PCDHGB2: variants seen among roughly 807,000 people sequenced by gnomAD.
The protein encoded by PCDHGB2 is protocadherin gamma subfamily B, 2.
In PCDHGB2, 55 loss-of-function variants were observed where a neutral mutation model predicts 59.3. The ratio of observed to expected loss-of-function variants is 0.93; its 90% CI spans 0.75 to 1.16. PCDHGB2 has a LOEUF of 1.16. PCDHGB2 is among the 50% of genes most tolerant of loss of function. The pLI is 0.00. For missense variants in PCDHGB2, 1,228 were observed against 1,198.5 expected (o/e 1.02, Z -0.36); for synonymous variants, 516 against 512.0 (o/e 1.01, Z -0.11).
At position 141,487,152 on chromosome 5, in the gene PCDHGB2, C is replaced by T. The variant is rs772254681; in HGVS notation, c.2422-7655C>T. On this transcript the variant is annotated intron_variant, in intron 1 of 3. Coordinates refer to ENST00000522605, the MANE Select transcript of PCDHGB2 (RefSeq NM_018923.3). The surrounding 1 kb of genome is among the most constrained non-coding windows in gnomAD (Gnocchi z 5.0). ...AGTCCACCACTCTCTACCTCTGTTA[C>T]TCTCTTAGTGTCCTTAGAGGAAGAC... 3.7e-6 allele frequency: 6 copies of T among 1,613,860 alleles called. No homozygotes were observed. Among genetic ancestry groups the T allele is most frequent in the Non-Finnish European group, 5.1e-6 (6 of 1,179,828 alleles).
chr5:141,419,209 G>A (rs541061354), intron 1 of PCDHGB2: 11 of 1,613,900 alleles, frequency 6.8e-6, no homozygotes, highest in South Asian at 5.5e-5. Context: ...ACAACGCGCC[G>A]GTTTTCGGAC....
Position 141,485,859 on chromosome 5 carries a change from G to A in PCDHGB2, c.2422-8948G>A, listed in dbSNP as rs1272239385. ...CCGAGATCTGGCACCGCAGAGCTCC[G>A]GGTATCCGTGCTGGACGTAAACGAC... On this transcript the variant is annotated intron_variant, in intron 1 of 3. Transcript: ENST00000522605. This position sits in a 1 kb window ranked among gnomAD's most constrained non-coding sequence, Gnocchi z 5.7. 3.7e-6 allele frequency: 6 copies of A among 1,614,046 alleles called. No homozygotes were observed. Among genetic ancestry groups the A allele is most frequent in the Admixed American group, 3.3e-5 (2 of 60,000 alleles).
At chr5:141,461,354 C>T (rs1189322704) in intron 1 of PCDHGB2, among the ~76,000 whole-genome samples, 2 of 152,054 alleles carry the variant, frequency 1.3e-5, no homozygotes, top group Non-Finnish European at 2.9e-5. Context: ...GGTGGTAGCT[C>T]GTTGTGGTTT....
intron 1 of PCDHGB2, among the ~76,000 whole-genome samples, chr5:141,465,091 G>A (rs1689517062): frequency 6.7e-6 from 1 of 149,016 alleles, no homozygotes; most frequent in Non-Finnish European, 1.5e-5. Context: ...CATTTTTCTA[G>A]TAGTTTTTTT....
At chr5:141,399,854 G>A (rs747617678) in intron 1 of PCDHGB2, 6 of 1,612,786 alleles carry the variant, frequency 3.7e-6, no homozygotes, top group Non-Finnish European at 5.1e-6. Context: ...ATGGTGCCGC[G>A]CGCTGCAGAG....
At chr5:141,398,437 C>G (rs2093656645) in intron 1 of PCDHGB2, 20 of 1,556,582 alleles carry the variant, frequency 1.3e-5, no homozygotes, top group Non-Finnish European at 1.8e-5. Flanking sequence ...AGCTTGTGCT[C>G]TGGAATTTGA....
chr5:141,373,423 T>G (rs992122154), intron 1 of PCDHGB2, among the ~76,000 whole-genome samples: 1 of 152,214 alleles, frequency 6.6e-6, no homozygotes, highest in Non-Finnish European at 1.5e-5. Flanking sequence ...CTCGGGAGGC[T>G]GAGGTGGGAG....
chr5:141,398,914 C>G, intron 1 of PCDHGB2: 1 of 1,613,964 alleles, frequency 6.2e-7, no homozygotes, highest in Non-Finnish European at 8.5e-7. Flanking sequence ...CACTGTGTTG[C>G]AAGTGTCAGC....
In PCDHGB2 at chr5:141,489,198, C is replaced by G; in HGVS notation, c.2422-5609C>G. 1 of 1,392,402 alleles carries G rather than the reference C, an allele frequency of 7.2e-7. No individual in the cohort carries two copies. Among genetic ancestry groups the G allele is most frequent in the South Asian group, 1.4e-5 (1 of 71,348 alleles). The allele number at this position is 1,392,402 out of a possible 1,614,324, so 86.3% of individuals were successfully genotyped here. A position where few individuals can be genotyped will look rare whatever the true frequency, so the allele number is the denominator to read the frequency against. On this transcript the variant is annotated intron_variant, in intron 1 of 3. Coordinates refer to ENST00000522605, the MANE Select transcript of PCDHGB2 (RefSeq NM_018923.3). This position sits in a 1 kb window ranked among gnomAD's most constrained non-coding sequence, Gnocchi z 4.5. ...CCAAGCCCTGGGTCTACCTTGGAGA[C>G]AGGACAGCACAGACTTACTCTCCAC...
In PCDHGB2 at chr5:141,486,421, G is replaced by C; in HGVS notation, c.2422-8386G>C. 1 of 1,614,152 alleles carries C rather than the reference G, an allele frequency of 6.2e-7. No individual in the cohort carries two copies. Among genetic ancestry groups the C allele is most frequent in the African/African-American group, 1.3e-5 (1 of 75,028 alleles). On this transcript the variant is annotated intron_variant, in intron 1 of 3. Coordinates refer to ENST00000522605, the MANE Select transcript of PCDHGB2 (RefSeq NM_018923.3). This position sits in a 1 kb window ranked among gnomAD's most constrained non-coding sequence, Gnocchi z 5.0. Reference sequence around the variant, plus strand: ...TGACTGCTGGACCCTTGGATCGAGAGGCCAAATCTAGCTATGACATCATGG... The same window carrying C: ...TGACTGCTGGACCCTTGGATCGAGACGCCAAATCTAGCTATGACATCATGG...
rs1488042504 is a variant in PCDHGB2, at chr5:141,511,552, T to C, written c.*379T>C. ...CCTCCTCCCCACCCCACTCCAACAG[T>C]TCCTCTTTCCCGAGTAAGGTGGTTG... On this transcript the variant is annotated 3_prime_UTR_variant, in exon 4 of 4. Coordinates refer to ENST00000522605, the MANE Select transcript of PCDHGB2 (RefSeq NM_018923.3). 1.3e-5 allele frequency: 4 copies of C among 304,316 alleles called. No individual in the cohort carries two copies. The highest frequency in any genetic ancestry group is 2.6e-5 in the Non-Finnish European group (4 of 156,548). The allele number at this position is 304,316 out of a possible 1,614,324, so 18.9% of individuals were successfully genotyped here.
chr5:141,491,414 G>C lies in PCDHGB2; in HGVS notation c.2422-3393G>C, dbSNP rs137987971. 35 of 1,614,008 alleles carry C rather than the reference G, an allele frequency of 2.2e-5. No homozygotes were observed. Among genetic ancestry groups the C allele is most frequent in the African/African-American group, 1.3e-4 (10 of 74,910 alleles). On this transcript the variant is annotated intron_variant, in intron 1 of 3. Coordinates refer to ENST00000522605, the MANE Select transcript of PCDHGB2 (RefSeq NM_018923.3). The surrounding 1 kb of genome is among the most constrained non-coding windows in gnomAD (Gnocchi z 6.9). ...CTTCAGGGAAACGCAGACGGGGACG[G>C]GGGTGGAGGGCAGTGCTGCAGGCGC...
chr5:141,385,481 G>A, intron 1 of PCDHGB2: 8 of 1,422,472 alleles, frequency 5.6e-6, no homozygotes, highest in Non-Finnish European at 6.4e-6. Context: ...CTTTAATATA[G>A]AACACATAGG....
Position 141,414,697 on chromosome 5 carries a change from T to A in PCDHGB2, c.2421+52141T>A, listed in dbSNP as rs748722995. The A allele has an allele frequency of 9.3e-6, 15 of 1,614,036 alleles. No homozygotes were observed. Among genetic ancestry groups the A allele is most frequent in the Non-Finnish European group, 1.3e-5 (15 of 1,179,930 alleles). ...CATCCAGGGGGTACCTCTGTCCTCA[T>A]ACATATCCATCAACTCAGACACTGG... is the stretch of plus-strand genomic sequence containing the variant. On this transcript the variant is annotated intron_variant, in intron 1 of 3. Transcript: ENST00000522605.
In PCDHGB2 at chr5:141,491,424, G is replaced by A. The variant is rs745755214; in HGVS notation, c.2422-3383G>A. The A allele has an allele frequency of 6.2e-7, 1 of 1,614,092 alleles. No individual in the cohort carries two copies. Among genetic ancestry groups the A allele is most frequent in the Non-Finnish European group, 8.5e-7 (1 of 1,180,028 alleles). ...ACGCAGACGGGGACGGGGGTGGAGG[G>A]CAGTGCTGCAGGCGCCAGGACTCAC... On this transcript the variant is annotated intron_variant, in intron 1 of 3. Coordinates refer to ENST00000522605, the MANE Select transcript of PCDHGB2 (RefSeq NM_018923.3). The surrounding 1 kb of genome is among the most constrained non-coding windows in gnomAD (Gnocchi z 6.9).
At chr5:141,412,509 A>G (rs1452202369) in intron 1 of PCDHGB2, 2 of 152,208 alleles carry the variant, frequency 1.3e-5, no homozygotes, top group Admixed American at 1.3e-4. Flanking sequence ...AATAAGTTTA[A>G]TGAATTAAGT....
chr5:141,383,832 A>G, intron 1 of PCDHGB2: 1 of 1,613,926 alleles, frequency 6.2e-7, no homozygotes, highest in Non-Finnish European at 8.5e-7. Flanking sequence ...ATTATGAAGA[A>G]ACTGCCTTCT....
intron 1 of PCDHGB2, chr5:141,400,189 CT>C (rs770137840): frequency 5.6e-6 from 9 of 1,614,056 alleles, no homozygotes; most frequent in Non-Finnish European, 7.6e-6. Context: ...GCAGTTTTAC[CT>C]AGTGGTGGCC....
intron 1 of PCDHGB2, chr5:141,398,756 T>C: frequency 1.9e-6 from 3 of 1,613,924 alleles, no homozygotes; most frequent in Non-Finnish European, 2.5e-6. Context: ...TACCATCGTT[T>C]AGTCCTGACT....
Sources: allele counts gnomAD v4.1 joint callset (sites outside exome capture counted in the v4.1 genomes callset), GRCh38; gene constraint gnomAD v4.1.1; non-coding constraint Gnocchi (gnomAD v3.1); transcripts MANE v1.5; gene names NCBI Gene and HGNC (gene_info 2026-07-23, HGNC 2026-07-21).